PARP8: variants seen among roughly 807,000 people sequenced by gnomAD.
PARP8 encodes poly(ADP-ribose) polymerase family member 8.
Under a neutral mutation model 124.1 loss-of-function variants are expected in PARP8, and 51 were observed. The ratio of observed to expected loss-of-function variants is 0.41; its 90% CI spans 0.33 to 0.52. The LOEUF (loss-of-function observed/expected upper bound fraction) is 0.52, where lower values mean the gene tolerates loss of function less well. Among genes scored for constraint, PARP8 ranks in the 20% least tolerant of loss-of-function variants. The probability of loss-of-function intolerance (pLI) is 0.21; values close to 1 mark genes in which losing one functional copy is unlikely to be tolerated. For synonymous variants in PARP8, 391 were observed against 361.5 expected, an observed-to-expected ratio of 1.08 and a Z score of -0.93; for missense variants, 860 against 1,018.9, an observed-to-expected ratio of 0.84 and a Z score of 2.12.
At chr5:50,808,595 A>G (rs146749519) in intron 14 of PARP8, among the ~76,000 whole-genome samples, 2 of 152,090 alleles carry the variant, frequency 1.3e-5, no homozygotes, top group East Asian at 1.9e-4. Context: ...GTGACCTTCT[A>G]TTGTTGTGGA....
At chr5:50,760,728 G>T (rs924693546) in intron 5 of PARP8, among the ~76,000 whole-genome samples, 4 of 151,960 alleles carry the variant, frequency 2.6e-5, no homozygotes, top group African/African-American at 9.7e-5. Context: ...TTTAAAAGAT[G>T]ATTTCTTTAG....
chr5:50,683,482 T>C (rs922882116), intron 2 of PARP8, among the ~76,000 whole-genome samples: 1 of 152,116 alleles, frequency 6.6e-6, no homozygotes, highest in African/African-American at 2.4e-5. Flanking sequence ...AGGATGAGAG[T>C]GACTTCTGCC....
chr5:50,719,939 A>G (rs1486138428), intron 2 of PARP8, among the ~76,000 whole-genome samples: 1 of 152,086 alleles, frequency 6.6e-6, no homozygotes, highest in Admixed American at 6.6e-5. Context: ...CTTCTAAAAG[A>G]CTTAAGAGAA....
At chr5:50,778,208 A>G in intron 8 of PARP8, 79 bp downstream of exon 8, 1 of 1,120,600 alleles carries the variant, frequency 8.9e-7, no homozygotes, top group Non-Finnish European at 1.3e-6. Flanking sequence ...TTTAATTTTC[A>G]GTTTTGTCTT....
chr5:50,691,032 G>T (rs111983491), intron 2 of PARP8, among the ~76,000 whole-genome samples: 2,246 of 152,202 alleles, frequency 0.015, 58 homozygotes, highest in African/African-American at 0.052. Flanking sequence ...ACCCTAACAT[G>T]TCCTCATCAT....
rs143494239 is a variant in PARP8 at position 50,742,892 on chromosome 5, G to A, written c.147-7259G>A. On this transcript the variant is annotated intron_variant, in intron 2 of 25. Coordinates refer to ENST00000281631, the MANE Select transcript of PARP8 (RefSeq NM_024615.4). ...GGCGCTGCACATTGAAGGAGTCGAA[G>A]ATGCTGTGGAGAGAGCAGTTAGGTA... Among the ~76,000 whole-genome samples, 635 of 152,314 alleles carry A rather than the reference G, an allele frequency of 4.2e-3. 5 individuals carry two copies. Among genetic ancestry groups the A allele is most frequent in the Non-Finnish European group, 7.3e-3 (494 of 68,026 alleles).
intron 2 of PARP8, among the ~76,000 whole-genome samples, chr5:50,697,341 T>A (rs1292613385): frequency 3.3e-5 from 5 of 152,356 alleles, no homozygotes; most frequent in South Asian, 4.1e-4. Flanking sequence ...TGGAAAGTTA[T>A]TGAATGAATA....
chr5:50,683,861 TAAGTAG>T (rs1394459684), intron 2 of PARP8, among the ~76,000 whole-genome samples: 1 of 152,336 alleles, frequency 6.6e-6, no homozygotes, highest in Admixed American at 6.5e-5. Context: ...AAAATATAGC[TAAGTAG>T]AAATTTTAAG....
chr5:50,780,455 T>C (rs1740544295), intron 9 of PARP8, among the ~76,000 whole-genome samples: 1 of 152,208 alleles, frequency 6.6e-6, no homozygotes, highest in Admixed American at 6.5e-5. Context: ...TGAAGCATGC[T>C]TTTATGTAAT....
chr5:50,747,141 GTTTTTTTTGTTTGTTTGTTTTGTTT>G (rs1184439752), intron 2 of PARP8, among the ~76,000 whole-genome samples: 4 of 80,906 alleles, frequency 4.9e-5, no homozygotes, highest in Admixed American at 1.2e-4. Flanking sequence ...TTCAGTTATG[GTTTTTTTTGTTTGTTTGTTTTGTTT>G]TTTTTTTTTT....
At chr5:50,685,614 A>G (rs1399146619) in intron 2 of PARP8, among the ~76,000 whole-genome samples, 1 of 152,160 alleles carries the variant, frequency 6.6e-6, no homozygotes, top group Non-Finnish European at 1.5e-5. Context: ...TTATTTTTAT[A>G]GAGATAGGGT....
At chr5:50,686,370 C>A (rs138692625) in intron 2 of PARP8, among the ~76,000 whole-genome samples, 209 of 152,324 alleles carry the variant, frequency 1.4e-3, no homozygotes, top group African/African-American at 4.8e-3. Flanking sequence ...TGGTCTTGGG[C>A]AGCTCCACCC....
chr5:50,667,869 G>C (rs562824492), intron 1 of PARP8: 14 of 1,451,884 alleles, frequency 9.6e-6, no homozygotes, highest in African/African-American at 2.8e-5. Flanking sequence ...CACTTGTTGC[G>C]GGGGGCGGCC....
Position 50,842,687 on chromosome 5 carries a change from A to G in PARP8, c.*619A>G, listed in dbSNP as rs1287735115. The G allele has an allele frequency of 6.6e-6, 1 of 151,740 alleles. No individual in the cohort carries two copies. Among genetic ancestry groups the G allele is most frequent in the Non-Finnish European group, 1.5e-5 (1 of 67,742 alleles). The allele number at this position is 151,740 out of a possible 1,614,324, so 9.4% of individuals were successfully genotyped here. Reference sequence around the variant, plus strand: ...AATATATTTGTGTATATTCACACGTATGTTTTGACAAGAAAGATGGCTTAG... The same window carrying G: ...AATATATTTGTGTATATTCACACGTGTGTTTTGACAAGAAAGATGGCTTAG... On this transcript the variant is annotated 3_prime_UTR_variant, in exon 26 of 26. Coordinates refer to ENST00000281631, the MANE Select transcript of PARP8 (RefSeq NM_024615.4).
chr5:50,683,068 A>T (rs1751470323), intron 2 of PARP8, among the ~76,000 whole-genome samples: 1 of 152,144 alleles, frequency 6.6e-6, no homozygotes, highest in Admixed American at 6.5e-5. Context: ...TAGAGTACAG[A>T]TTAGCAGCAA....
chr5:50,816,114 C>T (rs1242924645), intron 15 of PARP8, among the ~76,000 whole-genome samples: 1 of 151,848 alleles, frequency 6.6e-6, no homozygotes, highest in Non-Finnish European at 1.5e-5. Context: ...CATACAGAAA[C>T]ATATATGCAG....
At chr5:50,769,895 C>G (rs1349543933) in intron 7 of PARP8, among the ~76,000 whole-genome samples, 5 of 151,860 alleles carry the variant, frequency 3.3e-5, no homozygotes, top group African/African-American at 1.2e-4. Flanking sequence ...CCTGTATTAC[C>G]TTTTTAATCA....
intron 9 of PARP8, among the ~76,000 whole-genome samples, chr5:50,782,396 A>AT (rs979781837): frequency 6.6e-6 from 1 of 151,996 alleles, no homozygotes; most frequent in East Asian, 1.9e-4. Context: ...TCCCCAAGAG[A>AT]TTTTTTTTCT....
At chr5:50,756,982 G>A in intron 3 of PARP8, 1 of 324,616 alleles carries the variant, frequency 3.1e-6, no homozygotes, top group Non-Finnish European at 6.2e-6. Flanking sequence ...GTTCATCCAT[G>A]TTGTTGCAGA....
Sources: allele counts gnomAD v4.1 joint callset (sites outside exome capture counted in the v4.1 genomes callset), GRCh38; gene constraint gnomAD v4.1.1; transcripts MANE v1.5; gene names NCBI Gene and HGNC (gene_info 2026-07-23, HGNC 2026-07-21).